DMKN: variants seen among roughly 807,000 people sequenced by gnomAD.
DMKN encodes the protein epidermis-specific secreted protein SK30/SK89.
Under a neutral mutation model 67.6 loss-of-function variants are expected in DMKN, and 58 were observed. The observed-to-expected ratio is 0.86, with a 90% CI of 0.69 to 1.07. The LOEUF is 1.07. DMKN is among the 50% of genes least tolerant of loss of function. The pLI, the probability that DMKN is intolerant of heterozygous loss-of-function variation, is 0.00. For missense variants in DMKN, 596 were observed against 601.5 expected, an observed-to-expected ratio of 0.99 and a Z score of 0.10; for synonymous variants, 240 against 232.3, an observed-to-expected ratio of 1.03 and a Z score of -0.30.
chr19:35,511,670 C>G, intron 4 of DMKN, 77 bp from the exon 5 acceptor site: 8 of 1,592,966 alleles, frequency 5.0e-6, no homozygotes, highest in Non-Finnish European at 6.9e-6. Flanking sequence ...CCCTCTCCAC[C>G]CAGGCCATAT....
chr19:35,508,458 T>C, intron 7 of DMKN: 5 of 523,258 alleles, frequency 9.6e-6, no homozygotes, highest in Non-Finnish European at 3.4e-6. Context: ...AAGAGGTAGA[T>C]AGTAACATAC....
intron 3 of DMKN, among the ~76,000 whole-genome samples, chr19:35,512,033 T>C (rs1300441222): frequency 6.8e-6 from 1 of 147,012 alleles, no homozygotes; most frequent in Non-Finnish European, 1.5e-5. Context: ...GGTCTCACTC[T>C]GTTGCTCAGG....
At chr19:35,510,393 G>A in intron 5 of DMKN, 141 bp from the exon 6 acceptor site, 1 of 1,552,402 alleles carries the variant, frequency 6.4e-7, no homozygotes, top group Non-Finnish European at 8.7e-7. Context: ...CCCCTCTTTA[G>A]CCTGTTGGTC....
At chr19:35,510,947 A>G (rs1211843197) in intron 5 of DMKN, among the ~76,000 whole-genome samples, 1 of 152,110 alleles carries the variant, frequency 6.6e-6, no homozygotes, top group African/African-American at 2.4e-5. Flanking sequence ...CCCATCGTGC[A>G]GGGGCCCCAT....
intron 1 of DMKN, 45 bp downstream of exon 1, chr19:35,513,005 A>G (rs1568652692): frequency 5.6e-6 from 9 of 1,604,850 alleles, no homozygotes; most frequent in Non-Finnish European, 7.7e-6. Flanking sequence ...TCAGCCCAGC[A>G]GCCCACAGCC....
chr19:35,507,780 T>A, intron 7 of DMKN: 1 of 474,928 alleles, frequency 2.1e-6, no homozygotes. Context: ...TTATGTTCAT[T>A]TCTGCAAGCC....
intron 12 of DMKN, 122 bp downstream of exon 12, chr19:35,500,411 T>C (rs1166770365): frequency 6.4e-7 from 1 of 1,552,212 alleles, no homozygotes; most frequent in East Asian, 2.4e-5. Flanking sequence ...CCTGCCATCC[T>C]GCACCCGGCT....
rs772553128 is a variant in DMKN, at chr19:35,505,693, T to TC, written c.1134+24dup. ...TTTAGCTTTCTTCCCTATAGCCCTC[T>TC]CCGACGAAGATGTCCAGCCCTTACC... On this transcript the variant is annotated intron_variant, in intron 9 of 15. Transcript: ENST00000339686. 6 of 1,614,188 alleles carry TC rather than the reference T, an allele frequency of 3.7e-6. No homozygotes were observed. The Middle Eastern group carries it at 6.6e-4, about 178-fold the overall frequency.
intron 5 of DMKN, among the ~76,000 whole-genome samples, chr19:35,511,074 C>G (rs2070672031): frequency 1.3e-5 from 2 of 152,238 alleles, no homozygotes; most frequent in African/African-American, 4.8e-5. Flanking sequence ...CCATGTCCCC[C>G]TCTTTCTCCG....
chr19:35,501,614 G>A (rs1354846182), intron 11 of DMKN, among the ~76,000 whole-genome samples: 1 of 152,190 alleles, frequency 6.6e-6, no homozygotes, highest in Non-Finnish European at 1.5e-5. Flanking sequence ...TGCAGAATTG[G>A]AGTGTGGTCT....
At chr19:35,499,624 C>T (rs1292330198) in intron 13 of DMKN, among the ~76,000 whole-genome samples, 1 of 152,218 alleles carries the variant, frequency 6.6e-6, no homozygotes, top group East Asian at 1.9e-4. Flanking sequence ...TGAGGAAGAG[C>T]TGCTTGCGTG....
intron 7 of DMKN, among the ~76,000 whole-genome samples, chr19:35,509,093 C>A (rs1486119977): frequency 1.3e-5 from 2 of 151,900 alleles, no homozygotes; most frequent in Non-Finnish European, 2.9e-5. Flanking sequence ...TGGTGGCTGG[C>A]GTCTGTAATC....
rs373023788 is a variant in DMKN, at chr19:35,510,170, C to T, written c.987+14G>A. On this transcript the variant is annotated intron_variant, in intron 6 of 15. Transcript: ENST00000339686. ...CTTCCCGCGGTTGGTGGGAGATTCA[C>T]GCCAGCCACTCACCCCGGGTTTATG... 2.9e-5 allele frequency: 46 copies of T among 1,603,228 alleles called. No homozygotes were observed. The African/African-American group carries it at 5.2e-4, about 18-fold the overall frequency.
intron 11 of DMKN, chr19:35,501,911 T>G (rs2068456564): frequency 2.5e-6 from 4 of 1,573,476 alleles, no homozygotes; most frequent in Non-Finnish European, 3.5e-6. Context: ...CATGTGCTTG[T>G]GGAGGCCCCA....
In DMKN at chr19:35,513,150, G is replaced by A. The variant is rs2071090249; in HGVS notation, c.326C>T (p.Thr109Ile). 1 of 1,614,084 alleles carries A rather than the reference G, an allele frequency of 6.2e-7. No homozygotes were observed. Among genetic ancestry groups the A allele is most frequent in the African/African-American group, 1.3e-5 (1 of 74,920 alleles). Reference protein sequence around the residue: ...VGEAAHALGNTGHEIGRQAED... With the variant: ...VGEAAHALGNIGHEIGRQAED... ...TGCCTGTCTGCCAATCTCGTGCCCA[G>A]TGTTTCCCAGAGCATGGGCTGCTTC... The change falls in exon 1 of 16, where the codon ACT (threonine) becomes ATT (isoleucine). Residue 109 changes from threonine (T) to isoleucine (I), a missense_variant. By Grantham distance (89) the Thr-to-Ile change is moderately conservative. Coordinates refer to ENST00000339686, the MANE Select transcript of DMKN (RefSeq NM_033317.5).
chr19:35,498,229 A>G (rs2067774103), intron 15 of DMKN: 1 of 168,402 alleles, frequency 5.9e-6, no homozygotes, highest in East Asian at 1.9e-4. Context: ...TCAACCTCCC[A>G]AGCTCAGGTG....
At chr19:35,500,972 G>A (rs539352725) in intron 11 of DMKN, among the ~76,000 whole-genome samples, 12 of 152,284 alleles carry the variant, frequency 7.9e-5, no homozygotes, top group Admixed American at 7.2e-4. Flanking sequence ...GCACACCGAC[G>A]CCATGCCCCA....
At chr19:35,509,269 A>T (rs1270269692) in intron 7 of DMKN, among the ~76,000 whole-genome samples, 4 of 151,622 alleles carry the variant, frequency 2.6e-5, no homozygotes, top group Admixed American at 2.0e-4. Context: ...ATGGGAAGAA[A>T]TTTTTTTTTA....
At chr19:35,503,158 TCAAGACTAGG>T in intron 9 of DMKN, 1 of 1,263,044 alleles carries the variant, frequency 7.9e-7, no homozygotes, top group Non-Finnish European at 1.1e-6. Context: ...TAGCAAAACC[TCAAGACTAGG>T]ACCTGCCTCA....
Sources: gnomAD v4.1 joint callset for allele counts (sites outside exome capture counted in the v4.1 genomes callset) on GRCh38, gnomAD v4.1.1 for gene constraint, MANE v1.5 for transcripts, NCBI Gene and HGNC (gene_info 2026-07-23, HGNC 2026-07-21) for gene names.